CALCR: variants seen among roughly 807,000 people sequenced by gnomAD.
CALCR encodes the protein calcitonin receptor.
A neutral mutation model predicts 59.5 loss-of-function variants in CALCR; 47 were observed. The ratio of observed to expected loss-of-function variants is 0.79; its 90% CI spans 0.63 to 1.01. The LOEUF is 1.01. Among genes scored for constraint, CALCR ranks in the 50% least tolerant of loss-of-function variants. The pLI is 0.00. For synonymous variants in CALCR, 213 were observed against 211.3 expected, an observed-to-expected ratio of 1.01 and a Z score of -0.07; for missense variants, 566 against 597.1, an observed-to-expected ratio of 0.95 and a Z score of 0.54.
chr7:93,482,519 C>A (rs1047852612), intron 3 of CALCR, among the ~76,000 whole-genome samples: 2 of 151,756 alleles, frequency 1.3e-5, no homozygotes, highest in African/African-American at 4.8e-5. Context: ...GCTTTCTTCC[C>A]AAAAGTAACA....
intron 2 of CALCR, chr7:93,496,012 T>C: frequency 1.8e-6 from 2 of 1,137,470 alleles, no homozygotes; most frequent in Non-Finnish European, 2.5e-6. Flanking sequence ...AAATCAATGA[T>C]AATGATTGAA....
intron 13 of CALCR, among the ~76,000 whole-genome samples, chr7:93,433,171 T>C (rs1421331142): frequency 6.6e-6 from 1 of 152,180 alleles, no homozygotes; most frequent in Admixed American, 6.5e-5. Context: ...AGCAAAATAT[T>C]GTAGGTGCTC....
chr7:93,515,748 C>T (rs1026893670), intron 2 of CALCR, among the ~76,000 whole-genome samples: 1 of 151,876 alleles, frequency 6.6e-6, no homozygotes, highest in Admixed American at 6.6e-5. Context: ...GTAGAATGAG[C>T]ATCAGAATTC....
At chr7:93,453,826 T>A (rs1319261748) in intron 8 of CALCR, among the ~76,000 whole-genome samples, 2 of 152,012 alleles carry the variant, frequency 1.3e-5, no homozygotes, top group Non-Finnish European at 2.9e-5. Flanking sequence ...CAATTATAAA[T>A]AATAACTTTA....
chr7:93,477,449 A>G, intron 5 of CALCR, 109 bp downstream of exon 5: 1 of 645,694 alleles, frequency 1.5e-6, no homozygotes, highest in Non-Finnish European at 2.7e-6. Context: ...AGTTGCTAAA[A>G]TGTGGAGTAT....
chr7:93,442,130 A>G (rs544907136), intron 9 of CALCR, among the ~76,000 whole-genome samples: 1 of 152,260 alleles, frequency 6.6e-6, no homozygotes, highest in African/African-American at 2.4e-5. Flanking sequence ...AAAAACAAAG[A>G]CAAAAGGCAG....
chr7:93,459,226 A>T (rs903355124), intron 8 of CALCR, among the ~76,000 whole-genome samples: 9 of 152,174 alleles, frequency 5.9e-5, no homozygotes, highest in Non-Finnish European at 1.3e-4. Flanking sequence ...CTAATCAACC[A>T]GTTTGGTGTT....
intron 2 of CALCR, among the ~76,000 whole-genome samples, chr7:93,538,248 T>C (rs942821468): frequency 6.6e-6 from 1 of 152,010 alleles, no homozygotes; most frequent in Non-Finnish European, 1.5e-5. Flanking sequence ...AAAAAGCAGA[T>C]AGGCCTGGAT....
At chr7:93,534,307 A>G (rs953970746) in intron 2 of CALCR, among the ~76,000 whole-genome samples, 2 of 151,850 alleles carry the variant, frequency 1.3e-5, no homozygotes, top group Admixed American at 6.6e-5. Context: ...AGTATGATTA[A>G]GGAGCAAGTC....
chr7:93,435,641 A>C (rs1799756047), intron 12 of CALCR, among the ~76,000 whole-genome samples: 1 of 151,906 alleles, frequency 6.6e-6, no homozygotes, highest in African/African-American at 2.4e-5. Context: ...AACCCCGTCT[A>C]CTAAAAATAC....
At chr7:93,489,375 T>C (rs1801022640) in intron 2 of CALCR, among the ~76,000 whole-genome samples, 1 of 151,112 alleles carries the variant, frequency 6.6e-6, no homozygotes. Context: ...AAAAGCAAAC[T>C]AATCCAAAAG....
chr7:93,564,084 C>CT lies in CALCR; in HGVS notation c.-27+10204dup, dbSNP rs201625706. 1.4e-3 allele frequency among the ~76,000 whole-genome samples: 218 copies of CT among 151,556 alleles called. 4 individuals are homozygous for CT. In the East Asian group the frequency reaches 0.035, roughly 24 times the overall value. ...TTTTCTTGAAAGTTTTCACAACCTA[C>CT]TTTTTTTTTAGAAAGTAGAAATTAC... On this transcript the variant is annotated intron_variant, in intron 2 of 13. Coordinates refer to ENST00000426151, the MANE Select transcript of CALCR (RefSeq NM_001742.4).
At chr7:93,443,862 C>A in intron 8 of CALCR, 105 bp from the exon 9 acceptor site, 1 of 950,634 alleles carries the variant, frequency 1.1e-6, no homozygotes, top group Non-Finnish European at 1.6e-6. Context: ...ATTCAGCTTG[C>A]AAGGCAGTTT....
intron 2 of CALCR, among the ~76,000 whole-genome samples, chr7:93,566,087 C>G (rs1055844064): frequency 6.6e-6 from 1 of 151,676 alleles, no homozygotes; most frequent in African/African-American, 2.4e-5. Flanking sequence ...GATTTTTTTC[C>G]TATAATACAA....
At chr7:93,470,677 TC>T (rs1231938082) in intron 6 of CALCR, among the ~76,000 whole-genome samples, 1 of 151,668 alleles carries the variant, frequency 6.6e-6, no homozygotes, top group Admixed American at 6.6e-5. Context: ...CTAGGTTGGT[TC>T]CTTCAAATTT....
At chr7:93,445,420 T>C (rs1303846680) in intron 8 of CALCR, among the ~76,000 whole-genome samples, 8 of 152,056 alleles carry the variant, frequency 5.3e-5, no homozygotes, top group East Asian at 3.9e-4. Flanking sequence ...AGGCTGTCAC[T>C]TGGGGAGAAG....
chr7:93,506,006 C>T (rs1245422452), intron 2 of CALCR, among the ~76,000 whole-genome samples: 2 of 152,166 alleles, frequency 1.3e-5, no homozygotes, highest in African/African-American at 4.8e-5. Context: ...ATTGCTTTGT[C>T]AAGCCTGTCT....
chr7:93,523,472 C>T lies in CALCR; in HGVS notation c.-26-36465G>A, dbSNP rs146948783. Among the ~76,000 whole-genome samples the T allele has an allele frequency of 1.8e-3, 272 of 152,214 alleles. 3 individuals are homozygous for T. The East Asian group carries it at 0.027, about 15-fold the overall frequency. On this transcript the variant is annotated intron_variant, in intron 2 of 13. Coordinates refer to ENST00000426151, the MANE Select transcript of CALCR (RefSeq NM_001742.4). ...TCGAGGGCAGAGACTGTGTCTTATTCGCTAGTGTATTCCTGTCATCTACTA... is the reference window on the plus strand; with the variant it reads ...TCGAGGGCAGAGACTGTGTCTTATTTGCTAGTGTATTCCTGTCATCTACTA...
intron 2 of CALCR, among the ~76,000 whole-genome samples, chr7:93,539,895 C>T (rs970057329): frequency 6.6e-5 from 10 of 152,064 alleles, no homozygotes; most frequent in African/African-American, 2.4e-4. Flanking sequence ...TTGTGGGGCC[C>T]CCGTCCACTG....
Sources: allele counts gnomAD v4.1 joint callset (sites outside exome capture counted in the v4.1 genomes callset), GRCh38; gene constraint gnomAD v4.1.1; transcripts MANE v1.5; gene names NCBI Gene and HGNC (gene_info 2026-07-23, HGNC 2026-07-21).